CERT1: variants seen among roughly 807,000 people sequenced by gnomAD.
The protein encoded by CERT1 is ceramide transporter 1.
Under a neutral mutation model 87.9 loss-of-function variants are expected in CERT1, and 31 were observed. The ratio of observed to expected loss-of-function variants is 0.35; its 90% confidence interval spans 0.27 to 0.48. CERT1 has a LOEUF of 0.48. CERT1 is among the 20% of genes least tolerant of loss of function. CERT1 has a pLI of 0.99. For synonymous variants in CERT1, 289 were observed against 250.9 expected (o/e 1.15, Z -1.44); for missense variants, 487 against 758.0 (o/e 0.64, Z 4.20).
chr5:75,498,173 T>C (rs1040963009), intron 2 of CERT1, among the ~76,000 whole-genome samples: 5 of 152,044 alleles, frequency 3.3e-5, no homozygotes, highest in African/African-American at 7.2e-5. Context: ...TAGGAAGAAA[T>C]TTCTAGGTGG....
chr5:75,382,390 A>G (rs933713642), intron 14 of CERT1, among the ~76,000 whole-genome samples: 19 of 152,148 alleles, frequency 1.2e-4, no homozygotes, highest in African/African-American at 4.6e-4. Flanking sequence ...CCATATTGCT[A>G]TCTCTGAAAT....
chr5:75,495,316 G>A (rs1300550242), intron 2 of CERT1, among the ~76,000 whole-genome samples: 1 of 152,054 alleles, frequency 6.6e-6, no homozygotes, highest in African/African-American at 2.4e-5. Context: ...CAGAACTTTG[G>A]GAGGCTGAGG....
intron 5 of CERT1, among the ~76,000 whole-genome samples, chr5:75,421,843 T>C (rs909286890): frequency 2.6e-5 from 4 of 152,230 alleles, no homozygotes; most frequent in African/African-American, 4.8e-5. Context: ...CCTTCATGCA[T>C]TCTTTTCTAC....
At chr5:75,414,418 A>G (rs1265751938) in intron 7 of CERT1, among the ~76,000 whole-genome samples, 2 of 152,214 alleles carry the variant, frequency 1.3e-5, no homozygotes, top group Non-Finnish European at 2.9e-5. Flanking sequence ...ATTTTAAATG[A>G]ATAAAACAAA....
At chr5:75,466,066 TAAC>T (rs1171824064) in intron 2 of CERT1, among the ~76,000 whole-genome samples, 2 of 152,182 alleles carry the variant, frequency 1.3e-5, no homozygotes, top group Non-Finnish European at 2.9e-5. Context: ...GAATGCCACT[TAAC>T]AACCTATTAT....
At chr5:75,466,170 T>C (rs544863104) in intron 2 of CERT1, among the ~76,000 whole-genome samples, 2 of 152,272 alleles carry the variant, frequency 1.3e-5, no homozygotes, top group South Asian at 2.1e-4. Flanking sequence ...CCCCCTTTTA[T>C]TGGGTTCTGT....
intron 3 of CERT1, among the ~76,000 whole-genome samples, chr5:75,433,280 G>A (rs554191679): frequency 2.6e-5 from 4 of 152,170 alleles, no homozygotes; most frequent in Admixed American, 2.6e-4. Context: ...AACTGCTTTG[G>A]GCATTACAGC....
intron 2 of CERT1, among the ~76,000 whole-genome samples, chr5:75,492,242 G>A (rs1372127286): frequency 1.3e-5 from 2 of 152,124 alleles, no homozygotes; most frequent in African/African-American, 4.8e-5. Flanking sequence ...TGGTGCACCT[G>A]TAGTCCCAGC....
chr5:75,450,925 C>T (rs1764744915), intron 3 of CERT1, among the ~76,000 whole-genome samples: 1 of 152,168 alleles, frequency 6.6e-6, no homozygotes, highest in African/African-American at 2.4e-5. Context: ...GCTCTCAGGA[C>T]CTCCTAGGGC....
At chr5:75,399,441 A>G in intron 10 of CERT1, 54 bp from the exon 11 acceptor site, 1 of 1,282,370 alleles carries the variant, frequency 7.8e-7, no homozygotes, top group East Asian at 2.3e-5. Context: ...GGCACAACAG[A>G]GCATTCAGTA....
At chr5:75,393,419 CCA>C (rs911803069) in intron 11 of CERT1, among the ~76,000 whole-genome samples, 1 of 151,250 alleles carries the variant, frequency 6.6e-6, no homozygotes, top group Non-Finnish European at 1.5e-5. Context: ...CTGGATGTTA[CCA>C]AGTAGGATTT....
At chr5:75,405,876 G>A (rs1173683164) in intron 8 of CERT1, among the ~76,000 whole-genome samples, 1 of 141,162 alleles carries the variant, frequency 7.1e-6, no homozygotes, top group South Asian at 2.2e-4. Flanking sequence ...AGTTACTGGG[G>A]GGGGGGGGGG....
intron 11 of CERT1, among the ~76,000 whole-genome samples, chr5:75,391,982 T>C (rs1762041625): frequency 6.6e-6 from 1 of 152,182 alleles, no homozygotes; most frequent in Non-Finnish European, 1.5e-5. Context: ...GGGTTTAAAA[T>C]AATTTTCTAA....
chr5:75,431,756 T>C (rs1192318248), intron 3 of CERT1, among the ~76,000 whole-genome samples: 1 of 152,228 alleles, frequency 6.6e-6, no homozygotes, highest in Non-Finnish European at 1.5e-5. Flanking sequence ...TCACTCCTTT[T>C]TATGGCTGTG....
At chr5:75,368,890 C>CAAGTTGAAAATAACGT (rs1261508714) in intron 17 of CERT1, 1 of 151,884 alleles carries the variant, frequency 6.6e-6, no homozygotes, top group African/African-American at 2.4e-5. Flanking sequence ...AAGCCCACTG[C>CAAGTTGAAAATAACGT]AAGTTGAAAA....
At chr5:75,395,994 T>G (rs1199502212) in intron 11 of CERT1, among the ~76,000 whole-genome samples, 1 of 152,240 alleles carries the variant, frequency 6.6e-6, no homozygotes, top group Non-Finnish European at 1.5e-5. Context: ...ATCAGACAGA[T>G]TCATGTGTTG....
At chr5:75,425,591 C>T (rs1763581715) in intron 4 of CERT1, 92 bp from the exon 5 acceptor site, 2 of 1,212,746 alleles carry the variant, frequency 1.6e-6, no homozygotes, top group Admixed American at 2.1e-5. Context: ...TTAAGGTCTG[C>T]ACCTTATAAC....
At chr5:75,500,070 C>T (rs567860834) in intron 2 of CERT1, among the ~76,000 whole-genome samples, 1 of 152,200 alleles carries the variant, frequency 6.6e-6, no homozygotes, top group South Asian at 2.1e-4. Flanking sequence ...AAAAGAATGC[C>T]ATGTGTACAT....
chr5:75,437,768 TAAAAAAA>T (rs201506124), intron 3 of CERT1, among the ~76,000 whole-genome samples: 14 of 110,678 alleles, frequency 1.3e-4, no homozygotes, highest in African/African-American at 3.4e-4. Context: ...TCTGTCTCAT[TAAAAAAA>T]AAAAAAAAAA....
Sources: gnomAD v4.1 joint callset for allele counts (sites outside exome capture counted in the v4.1 genomes callset) on GRCh38, gnomAD v4.1.1 for gene constraint, MANE v1.5 for transcripts, NCBI Gene and HGNC (gene_info 2026-07-23, HGNC 2026-07-21) for gene names.